The following ROR2 variants were observed in gnomAD, a reference collection of about 807,000 sequenced individuals.
ROR2 encodes the protein ROR family WNT receptor 2, also known as tyrosine-protein kinase transmembrane receptor ROR2.
ROR2 carries 33 observed loss-of-function variants against 74.9 expected under a neutral mutation model. The observed-to-expected ratio is 0.44, with a 90% confidence interval of 0.33 to 0.59. The LOEUF (loss-of-function observed/expected upper bound fraction) is 0.59. Ranked by LOEUF, ROR2 falls within the 20% of genes least tolerant of loss-of-function variation. The pLI, the probability that ROR2 is intolerant of heterozygous loss-of-function variation, is 0.02. For missense variants in ROR2, 1,216 were observed against 1,313.8 expected (o/e 0.93, Z 1.15); for synonymous variants, 586 against 558.7 (o/e 1.05, Z -0.69).
intron 1 of ROR2, among the ~76,000 whole-genome samples, chr9:91,843,245 T>C (rs550747060): frequency 7.9e-5 from 12 of 152,284 alleles, no homozygotes; most frequent in Middle Eastern, 3.4e-3. Context: ...CAACCTCTCA[T>C]GGCTCCCCTG....
In ROR2 at chr9:91,724,760, A is replaced by C. The variant is rs770772928; in HGVS notation, c.1734T>G (p.Asp578Glu). The stretch of plus-strand genomic sequence containing the variant: ...GGGCGGACTTCACCGTGCGGTCATC[A>C]TCGGTGCTGCCCACGTCCGAGTGCG... Reference protein sequence around the residue: ...RSPHSDVGSTDDDRTVKSALE... With the variant: ...RSPHSDVGSTEDDRTVKSALE... The change falls in exon 9 of 9, where the codon GAT becomes GAG. Residue 578 changes from aspartate (D) to glutamate (E), a missense_variant. Coordinates refer to ENST00000375708, the MANE Select transcript of ROR2 (RefSeq NM_004560.4). The C allele has an allele frequency of 3.7e-6, 6 of 1,613,944 alleles. No homozygotes were observed. Among genetic ancestry groups the C allele is most frequent in the South Asian group, 1.1e-5 (1 of 91,072 alleles).
chr9:91,743,813 A>G (rs186564831), intron 4 of ROR2, among the ~76,000 whole-genome samples: 1 of 152,342 alleles, frequency 6.6e-6, no homozygotes, highest in East Asian at 1.9e-4. Context: ...AATACCTGGG[A>G]ATAAACCTAA....
chr9:91,736,308 T>C (rs78517480), intron 5 of ROR2, among the ~76,000 whole-genome samples: 272 of 152,326 alleles, frequency 1.8e-3, no homozygotes, highest in African/African-American at 5.8e-3. Flanking sequence ...GAATGTGATG[T>C]TCGACTCTCT....
intron 4 of ROR2, among the ~76,000 whole-genome samples, chr9:91,754,549 C>T (rs1290648542): frequency 6.6e-6 from 1 of 151,828 alleles, no homozygotes; most frequent in Admixed American, 6.6e-5. Context: ...TTCAGCTACT[C>T]GAGGCTCAGA....
intron 1 of ROR2, among the ~76,000 whole-genome samples, chr9:91,832,423 G>A (rs1828489381): frequency 6.7e-6 from 1 of 150,176 alleles, no homozygotes; most frequent in Non-Finnish European, 1.5e-5. Context: ...TGACGGCCAG[G>A]GTCCACGGTC....
intron 1 of ROR2, among the ~76,000 whole-genome samples, chr9:91,946,542 C>A (rs553470940): frequency 1.1e-3 from 170 of 152,222 alleles, no homozygotes; most frequent in Non-Finnish European, 2.1e-3. Flanking sequence ...AAAGGCCTGT[C>A]ATCAAGGAAC....
intron 1 of ROR2, among the ~76,000 whole-genome samples, chr9:91,849,368 G>A (rs1247163070): frequency 6.6e-6 from 1 of 152,186 alleles, no homozygotes; most frequent in Non-Finnish European, 1.5e-5. Flanking sequence ...TATCTTGACT[G>A]GCGAAAACGC....
chr9:91,876,851 GA>G (rs1159939511), intron 1 of ROR2, among the ~76,000 whole-genome samples: 2 of 151,902 alleles, frequency 1.3e-5, no homozygotes, highest in African/African-American at 4.8e-5. Flanking sequence ...AGAAAGAACA[GA>G]AAAAAAGTGG....
At chr9:91,930,163 T>TCA (rs2117947293) in intron 1 of ROR2, among the ~76,000 whole-genome samples, 1 of 152,164 alleles carries the variant, frequency 6.6e-6, no homozygotes, top group African/African-American at 2.4e-5. Context: ...CACATTAGAG[T>TCA]CACCTGGAAG....
chr9:91,897,433 A>G (rs930815068), intron 1 of ROR2, among the ~76,000 whole-genome samples: 1 of 152,244 alleles, frequency 6.6e-6, no homozygotes, highest in East Asian at 1.9e-4. Flanking sequence ...AGTAAACGTT[A>G]TAATAATAGT....
Position 91,723,806 on chromosome 9 carries a change from G to A in ROR2, c.2688C>T (p.Asp896=). The A allele has an allele frequency of 6.2e-7, 1 of 1,613,912 alleles. No homozygotes were observed. Among genetic ancestry groups the A allele is most frequent in the Non-Finnish European group, 8.5e-7 (1 of 1,180,046 alleles). The change falls in exon 9 of 9, where the codon GAC becomes GAT. Residue 896 remains aspartate (D), a synonymous_variant. Transcript: ENST00000375708. ...CCCCATCTTCTGGGGCGTTCTGTGT[G>A]TCATCAGCGCCCTCTGAGAGCAGGG... is the stretch of plus-strand genomic sequence containing the variant. ...RAALLSEGAD[D]TQNAPEDGAQ...
At chr9:91,892,927 C>G (rs943061585) in intron 1 of ROR2, among the ~76,000 whole-genome samples, 1 of 152,094 alleles carries the variant, frequency 6.6e-6, no homozygotes, top group Non-Finnish European at 1.5e-5. Context: ...TTGTGAGGGC[C>G]TGGGGTCTAT....
At chr9:91,800,847 C>T (rs1827351621) in intron 1 of ROR2, among the ~76,000 whole-genome samples, 1 of 152,218 alleles carries the variant, frequency 6.6e-6, no homozygotes, top group Non-Finnish European at 1.5e-5. Context: ...GCAAGGAGCC[C>T]TTCATGGGCT....
rs1837055563 is a variant in ROR2, at chr9:91,726,758, G to A, written c.1184-15C>T. ...GTCTCGGGGACCTGTGAACAATAAGGCTTTCGTGATTTTTCAGAAAACATC... is the reference window on the plus strand; with the variant it reads ...GTCTCGGGGACCTGTGAACAATAAGACTTTCGTGATTTTTCAGAAAACATC... On this transcript the variant is annotated splice_polypyrimidine_tract_variant and intron_variant, in intron 7 of 8. Transcript: ENST00000375708. The A allele has an allele frequency of 1.2e-6, 2 of 1,613,250 alleles. No homozygotes were observed. Among genetic ancestry groups the A allele is most frequent in the East Asian group, 2.2e-5 (1 of 44,872 alleles).
Position 91,909,844 on chromosome 9 carries a change from TTTG to T in ROR2, c.97+40020_97+40022del, listed in dbSNP as rs1453936015. 1.8e-4 allele frequency among the ~76,000 whole-genome samples: 16 copies of T among 86,768 alleles called. 1 individual carries two copies. Among genetic ancestry groups the T allele is most frequent in the African/African-American group, 4.3e-4 (8 of 18,640 alleles). 56.9% of individuals were successfully genotyped at this position (86,768 alleles called of 152,430 possible). On this transcript the variant is annotated intron_variant, in intron 1 of 8. Coordinates refer to ENST00000375708, the MANE Select transcript of ROR2 (RefSeq NM_004560.4). ...TATTCTTTTTTTTTTTTAGGTTTGT[TTTG>T]TTTTTTTTTTTTTTTTTTTTTTTTA...
At chr9:91,789,945 C>G (rs762109303) in intron 1 of ROR2, among the ~76,000 whole-genome samples, 2 of 152,080 alleles carry the variant, frequency 1.3e-5, no homozygotes, top group Non-Finnish European at 2.9e-5. Context: ...CAACACACTT[C>G]GAATTCAAAA....
At chr9:91,934,367 A>G (rs1831628115) in intron 1 of ROR2, among the ~76,000 whole-genome samples, 1 of 152,232 alleles carries the variant, frequency 6.6e-6, no homozygotes, top group Non-Finnish European at 1.5e-5. Flanking sequence ...CATAAAAGAC[A>G]GAAAATACGT....
intron 2 of ROR2, among the ~76,000 whole-genome samples, chr9:91,764,141 G>A (rs1233320985): frequency 6.6e-6 from 1 of 152,164 alleles, no homozygotes; most frequent in Non-Finnish European, 1.5e-5. Flanking sequence ...CCCAACTTCA[G>A]TTTTATTACA....
chr9:91,895,435 A>C (rs931055067), intron 1 of ROR2, among the ~76,000 whole-genome samples: 7 of 152,252 alleles, frequency 4.6e-5, no homozygotes, highest in Non-Finnish European at 8.8e-5. Flanking sequence ...ATATAGGTTC[A>C]TCAACTGTAG....
Sources: allele counts gnomAD v4.1 joint callset (sites outside exome capture counted in the v4.1 genomes callset), GRCh38; gene constraint gnomAD v4.1.1; transcripts MANE v1.5; gene names NCBI Gene and HGNC (gene_info 2026-07-23, HGNC 2026-07-21).